Variants in COBLL1 observed in about 807,000 individuals in gnomAD.
COBLL1 encodes the protein cordon-bleu protein-like 1.
Under a neutral mutation model 94.8 loss-of-function variants are expected in COBLL1, and 50 were observed. The ratio of observed to expected loss-of-function variants is 0.53; its 90% confidence interval spans 0.42 to 0.67. COBLL1 has a LOEUF of 0.67. COBLL1 is among the 30% of genes least tolerant of loss of function. COBLL1 has a pLI of 0.00. For missense variants in COBLL1, 1,362 were observed against 1,348.7 expected (o/e 1.01, Z -0.15); for synonymous variants, 448 against 473.8 (o/e 0.95, Z 0.71).
chr2:164,777,044 T>C (rs906342559), intron 2 of COBLL1, among the ~76,000 whole-genome samples: 1 of 152,160 alleles, frequency 6.6e-6, no homozygotes, highest in African/African-American at 2.4e-5. Context: ...GCAAAACTAA[T>C]ACTAAAATTA....
At chr2:164,835,485 C>T (rs567017330) in intron 2 of COBLL1, among the ~76,000 whole-genome samples, 21 of 152,168 alleles carry the variant, frequency 1.4e-4, no homozygotes, top group African/African-American at 5.1e-4. Context: ...TTTTCAGGGG[C>T]TGGAGAAAGT....
At chr2:164,786,267 A>G (rs1341162972) in intron 2 of COBLL1, among the ~76,000 whole-genome samples, 2 of 152,156 alleles carry the variant, frequency 1.3e-5, no homozygotes, top group Non-Finnish European at 2.9e-5. Flanking sequence ...CTTGCTAGAG[A>G]GCATAGGAGC....
At chr2:164,811,817 A>C (rs759239839) in intron 2 of COBLL1, among the ~76,000 whole-genome samples, 2 of 152,038 alleles carry the variant, frequency 1.3e-5, no homozygotes, top group Non-Finnish European at 2.9e-5. Flanking sequence ...AAAAGAAAAA[A>C]AAGTTTTTAT....
chr2:164,683,258 G>A lies in COBLL1; in HGVS notation c.*2688C>T, dbSNP rs1683125684. The A allele has an allele frequency of 2.0e-5, 3 of 151,860 alleles. No individual in the cohort carries two copies. The South Asian group carries it at 6.2e-4, about 31-fold the overall frequency. 9.4% of individuals were successfully genotyped at this position (151,860 alleles called of 1,614,324 possible). On this transcript the variant is annotated 3_prime_UTR_variant, in exon 14 of 14. Coordinates refer to ENST00000652658, the MANE Select transcript of COBLL1 (RefSeq NM_001365672.2). ...TGGAGGAAAGAAGGAAAAGCAAAAT[G>A]CCTAGATGCTAAAAATTATACATGA...
At chr2:164,842,057 A>G, upstream of COBLL1, 1 of 1,521,974 alleles carries the variant, frequency 6.6e-7, no homozygotes, top group South Asian at 1.2e-5. Context: ...GAGCGAGGGA[A>G]GCAGCGAGCC....
chr2:164,767,852 T>C (rs1040653043), intron 2 of COBLL1, among the ~76,000 whole-genome samples: 2 of 152,152 alleles, frequency 1.3e-5, no homozygotes, highest in African/African-American at 4.8e-5. Flanking sequence ...ATTACATTAT[T>C]AAAATAAGCA....
chr2:164,742,056 G>A (rs1235112731), intron 3 of COBLL1, among the ~76,000 whole-genome samples: 1 of 152,052 alleles, frequency 6.6e-6, no homozygotes, highest in Non-Finnish European at 1.5e-5. Context: ...CATGGATCTC[G>A]GTTTCCAGAG....
chr2:164,789,101 G>A (rs1222304451), intron 2 of COBLL1, among the ~76,000 whole-genome samples: 1 of 151,268 alleles, frequency 6.6e-6, no homozygotes, highest in Non-Finnish European at 1.5e-5. Flanking sequence ...CCAGCTACTT[G>A]GGAGGCTGAA....
chr2:164,769,204 T>A (rs1458415387), intron 2 of COBLL1, among the ~76,000 whole-genome samples: 1 of 152,176 alleles, frequency 6.6e-6, no homozygotes, highest in East Asian at 1.9e-4. Context: ...GGGTTAGAAT[T>A]TTTAATGTAT....
intron 2 of COBLL1, among the ~76,000 whole-genome samples, chr2:164,797,857 G>C (rs1202431334): frequency 6.6e-6 from 1 of 152,130 alleles, no homozygotes; most frequent in East Asian, 1.9e-4. Flanking sequence ...AGTAATAGCA[G>C]ATACAAATGT....
chr2:164,759,509 T>C (rs1348624298), intron 2 of COBLL1, among the ~76,000 whole-genome samples: 1 of 152,098 alleles, frequency 6.6e-6, no homozygotes, highest in Non-Finnish European at 1.5e-5. Flanking sequence ...GGATTAGCTA[T>C]GACATCAAAG....
chr2:164,677,259 T>TC (rs74406444), downstream of COBLL1, among the ~76,000 whole-genome samples: 2 of 151,644 alleles, frequency 1.3e-5, no homozygotes, highest in African/African-American at 4.8e-5. Flanking sequence ...TTTCTTTCTT[T>TC]TTTTTGCTAT....
chr2:164,668,297 C>G (rs1691196675), intron 1 of COBLL1, among the ~76,000 whole-genome samples: 1 of 152,158 alleles, frequency 6.6e-6, no homozygotes, highest in African/African-American at 2.4e-5. Flanking sequence ...CCTCACTAAA[C>G]TTGATCATTC....
intron 7 of COBLL1, among the ~76,000 whole-genome samples, chr2:164,721,011 C>G (rs1397968624): frequency 6.6e-6 from 1 of 152,106 alleles, no homozygotes; most frequent in Non-Finnish European, 1.5e-5. Context: ...GATAATTTTC[C>G]AAGTACTGAG....
At chr2:164,751,946 A>G (rs1687147057) in intron 2 of COBLL1, among the ~76,000 whole-genome samples, 1 of 152,166 alleles carries the variant, frequency 6.6e-6, no homozygotes, top group Non-Finnish European at 1.5e-5. Context: ...TTGACCAATG[A>G]GAATTATGAT....
chr2:164,805,335 C>CTATATATA lies in COBLL1; in HGVS notation c.41+35820_41+35821insTATATATA, dbSNP rs1268003621. Among the ~76,000 whole-genome samples the CTATATATA allele has an allele frequency of 4.3e-3, 86 of 19,828 alleles. 1 individual carries two copies. Among genetic ancestry groups the CTATATATA allele is most frequent in the Non-Finnish European group, 4.8e-3 (52 of 10,940 alleles). 13.0% of individuals were successfully genotyped at this position (19,828 alleles called of 152,430 possible). On this transcript the variant is annotated intron_variant, in intron 2 of 13. Transcript: ENST00000652658. ...TCTCTCTCTCTCTCTCTCTCTCTCTCTCTATATATATATATATATATATAT... is the reference window on the plus strand; with the variant it reads ...TCTCTCTCTCTCTCTCTCTCTCTCTCTATATATATCTATATATATATATATATATATAT...
chr2:164,785,949 G>T (rs1688936237), intron 2 of COBLL1, among the ~76,000 whole-genome samples: 2 of 151,220 alleles, frequency 1.3e-5, no homozygotes, highest in Admixed American at 6.6e-5. Context: ...TACCAAGCAG[G>T]TATAAAACAG....
chr2:164,748,607 C>T (rs1686982825), intron 2 of COBLL1, among the ~76,000 whole-genome samples: 1 of 152,144 alleles, frequency 6.6e-6, no homozygotes, highest in Admixed American at 6.5e-5. Context: ...AATGTTTCAA[C>T]CAGTTTTCTT....
chr2:164,812,737 G>T (rs116599805), intron 2 of COBLL1, among the ~76,000 whole-genome samples: 1 of 151,928 alleles, frequency 6.6e-6, no homozygotes, highest in Non-Finnish European at 1.5e-5. Context: ...ATTAGAGTAC[G>T]CATTTGATAA....
Sources: gnomAD v4.1 joint callset for allele counts (sites outside exome capture counted in the v4.1 genomes callset) on GRCh38, gnomAD v4.1.1 for gene constraint, MANE v1.5 for transcripts, NCBI Gene and HGNC (gene_info 2026-07-23, HGNC 2026-07-21) for gene names.